GABRG3: variants seen among roughly 807,000 people sequenced by gnomAD.
GABRG3 encodes the protein gamma-aminobutyric acid type A receptor subunit gamma3.
Under a neutral mutation model 48.8 loss-of-function variants are expected in GABRG3, and 25 were observed. The ratio of observed to expected loss-of-function variants is 0.51; its 90% CI spans 0.37 to 0.72. The LOEUF is 0.72. Among genes scored for constraint, GABRG3 ranks in the 30% least tolerant of loss-of-function variants. The pLI, the probability that GABRG3 is intolerant of heterozygous loss-of-function variation, is 0.00. For synonymous variants in GABRG3, 227 were observed against 217.6 expected (o/e 1.04, Z -0.38); for missense variants, 394 against 577.9 (o/e 0.68, Z 3.26).
intron 3 of GABRG3, among the ~76,000 whole-genome samples, chr15:27,035,541 T>C (rs1896161939): frequency 1.3e-5 from 2 of 152,164 alleles, no homozygotes; most frequent in Admixed American, 1.3e-4. Flanking sequence ...GTCTTTATGT[T>C]CCACAAAACT....
intron 3 of GABRG3, among the ~76,000 whole-genome samples, chr15:27,166,441 A>G (rs984329713): frequency 6.6e-6 from 1 of 152,158 alleles, no homozygotes; most frequent in South Asian, 2.1e-4. Flanking sequence ...TTGTAGGAAG[A>G]GTGAAAGGTG....
chr15:27,228,723 A>G (rs912481829), intron 3 of GABRG3, among the ~76,000 whole-genome samples: 2 of 152,270 alleles, frequency 1.3e-5, no homozygotes, highest in East Asian at 1.9e-4. Flanking sequence ...CCTTGCCAGT[A>G]TCTGTCATTT....
At chr15:27,453,516 T>G (rs1006809255) in intron 5 of GABRG3, among the ~76,000 whole-genome samples, 5 of 152,182 alleles carry the variant, frequency 3.3e-5, no homozygotes, top group African/African-American at 1.2e-4. Context: ...GCATATTCAT[T>G]TAATTATCTC....
intron 2 of GABRG3, among the ~76,000 whole-genome samples, chr15:26,988,927 A>T (rs1419390167): frequency 6.6e-6 from 1 of 152,200 alleles, no homozygotes; most frequent in Non-Finnish European, 1.5e-5. Flanking sequence ...TATGATTCAT[A>T]TACCATAAAA....
intron 2 of GABRG3, among the ~76,000 whole-genome samples, chr15:27,003,375 C>T (rs1034164628): frequency 3.3e-5 from 5 of 151,518 alleles, no homozygotes; most frequent in Non-Finnish European, 7.4e-5. Context: ...TGCGGCCTTC[C>T]GCAGTGTTTG....
intron 3 of GABRG3, among the ~76,000 whole-genome samples, chr15:27,225,507 A>G (rs1422746512): frequency 6.6e-6 from 1 of 152,108 alleles, no homozygotes; most frequent in East Asian, 1.9e-4. Flanking sequence ...ATCAAGATTT[A>G]TGATGTTTTT....
At chr15:27,222,789 C>T (rs540425698) in intron 3 of GABRG3, among the ~76,000 whole-genome samples, 4 of 152,250 alleles carry the variant, frequency 2.6e-5, no homozygotes, top group South Asian at 2.1e-4. Context: ...GCAGTGTTCC[C>T]GGGAGACCAC....
At chr15:27,306,432 TA>T (rs1566767958) in intron 3 of GABRG3, among the ~76,000 whole-genome samples, 5 of 138,184 alleles carry the variant, frequency 3.6e-5, no homozygotes, top group African/African-American at 1.3e-4. Context: ...TGTAAACATA[TA>T]ATACGAACAT....
intron 5 of GABRG3, among the ~76,000 whole-genome samples, chr15:27,478,199 C>T (rs1890006230): frequency 6.6e-6 from 1 of 152,088 alleles, no homozygotes; most frequent in Non-Finnish European, 1.5e-5. Flanking sequence ...AAAAAAATTC[C>T]AGTCGCTTCA....
chr15:27,438,783 G>A (rs1430340971), intron 5 of GABRG3, among the ~76,000 whole-genome samples: 2 of 152,200 alleles, frequency 1.3e-5, no homozygotes, highest in Non-Finnish European at 2.9e-5. Flanking sequence ...ATCATCATGA[G>A]TACATTATGA....
intron 5 of GABRG3, among the ~76,000 whole-genome samples, chr15:27,412,411 C>T (rs1887824979): frequency 6.6e-6 from 1 of 152,102 alleles, no homozygotes; most frequent in Non-Finnish European, 1.5e-5. Context: ...GGCATTTCAA[C>T]CATATATAAA....
At chr15:27,435,346 G>A (rs1218553643) in intron 5 of GABRG3, among the ~76,000 whole-genome samples, 2 of 151,818 alleles carry the variant, frequency 1.3e-5, no homozygotes, top group Non-Finnish European at 2.9e-5. Context: ...AAGCCGTTTT[G>A]GGCCGTATGG....
rs55888219 is a variant in GABRG3, at chr15:27,503,078, G to A, written c.713-16894G>A. 3.7e-3 allele frequency among the ~76,000 whole-genome samples: 560 copies of A among 152,270 alleles called. 7 individuals carry two copies. Among genetic ancestry groups the A allele is most frequent in the African/African-American group, 0.013 (550 of 41,550 alleles). On this transcript the variant is annotated intron_variant, in intron 6 of 9. Coordinates refer to ENST00000615808, the MANE Select transcript of GABRG3 (RefSeq NM_033223.5). Reference sequence around the variant, plus strand: ...GCTTTCTCCTCTCCCTAGAGGTTGGGGAGTGAGGCTGAAAGTCCCAGCCTT... The same window carrying A: ...GCTTTCTCCTCTCCCTAGAGGTTGGAGAGTGAGGCTGAAAGTCCCAGCCTT...
chr15:27,121,305 A>T (rs1897727343), intron 3 of GABRG3, among the ~76,000 whole-genome samples: 1 of 152,172 alleles, frequency 6.6e-6, no homozygotes, highest in South Asian at 2.1e-4. Context: ...TGTAAGGTAG[A>T]TGTTCACAGG....
At chr15:27,114,429 G>T (rs1373332328) in intron 3 of GABRG3, among the ~76,000 whole-genome samples, 1 of 152,174 alleles carries the variant, frequency 6.6e-6, no homozygotes, top group Non-Finnish European at 1.5e-5. Flanking sequence ...TTATAGCTGT[G>T]CATTCTTTCT....
chr15:27,141,569 G>C (rs1011064729), intron 3 of GABRG3, among the ~76,000 whole-genome samples: 1 of 152,186 alleles, frequency 6.6e-6, no homozygotes, highest in African/African-American at 2.4e-5. Flanking sequence ...TCCTTGTCCT[G>C]CACCTCTGAG....
intron 3 of GABRG3, among the ~76,000 whole-genome samples, chr15:27,095,006 A>G (rs912113074): frequency 9.2e-5 from 14 of 152,088 alleles, no homozygotes; most frequent in African/African-American, 3.1e-4. Context: ...TTACAGCTGT[A>G]CCTCAAAGCT....
intron 5 of GABRG3, among the ~76,000 whole-genome samples, chr15:27,423,615 G>C (rs1224802468): frequency 6.8e-6 from 1 of 148,130 alleles, no homozygotes; most frequent in South Asian, 2.1e-4. Flanking sequence ...GCACAATCAC[G>C]AAACACTGCA....
chr15:27,129,872 T>C (rs1897886394), intron 3 of GABRG3, among the ~76,000 whole-genome samples: 1 of 152,168 alleles, frequency 6.6e-6, no homozygotes, highest in Non-Finnish European at 1.5e-5. Context: ...ATTCAAGTCG[T>C]TTGTCCAGTT....
Sources: allele counts gnomAD v4.1 joint callset (sites outside exome capture counted in the v4.1 genomes callset), GRCh38; gene constraint gnomAD v4.1.1; transcripts MANE v1.5; gene names NCBI Gene and HGNC (gene_info 2026-07-23, HGNC 2026-07-21).